RABGAP1: variants seen among roughly 807,000 people sequenced by gnomAD.
RABGAP1 encodes rab GTPase-activating protein 1.
In RABGAP1, 23 loss-of-function variants were observed where a neutral mutation model predicts 137.6. That is an observed-to-expected ratio of 0.17 (90% confidence interval 0.12 to 0.24). RABGAP1 has a LOEUF of 0.24. RABGAP1 is among the 10% of genes least tolerant of loss of function. The probability of loss-of-function intolerance (pLI) is 1.00; values close to 1 mark genes in which losing one functional copy is unlikely to be tolerated. For synonymous variants in RABGAP1, 451 were observed against 450.7 expected (o/e 1.00, Z -0.01); for missense variants, 906 against 1,275.8 (o/e 0.71, Z 4.42).
At chr9:123,041,433 G>A (rs192012903) in intron 13 of RABGAP1, among the ~76,000 whole-genome samples, 1 of 152,254 alleles carries the variant, frequency 6.6e-6, no homozygotes, top group Admixed American at 6.5e-5. Flanking sequence ...AGCTTCTAAG[G>A]TTACATACAT....
rs59639446 is a variant in RABGAP1 at position 123,047,919 on chromosome 9, G to GTTTTTTTTTTTT, written c.1795-17404_1795-17393dup. ...TATCTAGCCATTTTACAGCTGCTGG[G>GTTTTTTTTTTTT]TTTTTTTTTTTTTTTTTTTTTTTTT... On this transcript the variant is annotated intron_variant, in intron 13 of 25. Coordinates refer to ENST00000373647, the MANE Select transcript of RABGAP1 (RefSeq NM_012197.4). Among the ~76,000 whole-genome samples the GTTTTTTTTTTTT allele has an allele frequency of 2.4e-4, 15 of 62,252 alleles. 2 individuals carry two copies. Among genetic ancestry groups the GTTTTTTTTTTTT allele is most frequent in the Non-Finnish European group, 3.6e-4 (10 of 28,028 alleles). The allele number at this position is 62,252 out of a possible 152,430, so 40.8% of individuals were successfully genotyped here. A position where few individuals can be genotyped will look rare whatever the true frequency, so the allele number is the denominator to read the frequency against.
intron 24 of RABGAP1, among the ~76,000 whole-genome samples, chr9:123,100,879 T>G (rs1414144750): frequency 6.6e-6 from 1 of 152,236 alleles, no homozygotes; most frequent in East Asian, 1.9e-4. Flanking sequence ...ATTCTTTCAG[T>G]CTTTGTTCAG....
chr9:122,984,420 C>T (rs1303502883), intron 2 of RABGAP1, 65 bp from the exon 3 acceptor site: 10 of 1,298,796 alleles, frequency 7.7e-6, no homozygotes, highest in Non-Finnish European at 1.1e-5. Context: ...AGAATGTGAA[C>T]CCATTTTAAT....
chr9:122,957,064 A>G lies in RABGAP1; in HGVS notation c.5A>G (p.Asp2Gly), dbSNP rs1345861424. The change falls in exon 2 of 26, where the codon GAT becomes GGT. Residue 2 changes from aspartate (D) to glycine (G), a missense_variant. By Grantham distance (94) the Asp-to-Gly change is moderately conservative. Transcript: ENST00000373647. Reference protein sequence around the residue: MDDKASVGKISV... With the variant: MGDKASVGKISV... ...GTTGAGACTCATTCTTGAGTTATGG[A>G]TGACAAGGCTTCTGTTGGAAAAATC... 9 of 1,511,134 alleles carry G rather than the reference A, an allele frequency of 6.0e-6. No homozygotes were observed. The highest frequency in any genetic ancestry group is 1.4e-5 in the African/African-American group (1 of 73,626). The allele number at this position is 1,511,134 out of a possible 1,614,324, so 93.6% of individuals were successfully genotyped here. A position where few individuals can be genotyped will look rare whatever the true frequency, so the allele number is the denominator to read the frequency against.
At chr9:122,946,319 G>A (rs1412274411) in intron 1 of RABGAP1, among the ~76,000 whole-genome samples, 1 of 152,170 alleles carries the variant, frequency 6.6e-6, no homozygotes, top group Non-Finnish European at 1.5e-5. Flanking sequence ...AGATTAAAGA[G>A]AAGTGAATAA....
intron 13 of RABGAP1, among the ~76,000 whole-genome samples, chr9:123,026,114 A>G (rs1286744753): frequency 1.3e-5 from 2 of 150,684 alleles, no homozygotes; most frequent in Non-Finnish European, 2.9e-5. Context: ...ACCTGAGGTC[A>G]GGAGTTTGAG....
intron 21 of RABGAP1, among the ~76,000 whole-genome samples, chr9:123,091,983 G>A (rs529390157): frequency 3.9e-5 from 6 of 152,126 alleles, no homozygotes; most frequent in Admixed American, 6.5e-5. Context: ...AGCAGGGCCA[G>A]AGGTGTGTGC....
At chr9:123,102,364 T>A (rs955898816) in intron 25 of RABGAP1, among the ~76,000 whole-genome samples, 1 of 152,146 alleles carries the variant, frequency 6.6e-6, no homozygotes, top group African/African-American at 2.4e-5. Context: ...AAGCACTGTT[T>A]ATGGAGGGAA....
intron 13 of RABGAP1, among the ~76,000 whole-genome samples, chr9:123,041,503 A>G (rs1222321579): frequency 3.9e-5 from 6 of 152,220 alleles, no homozygotes; most frequent in African/African-American, 1.4e-4. Context: ...CTGTACCATT[A>G]TGTAAGCCTA....
rs189835805 is a variant in RABGAP1, at chr9:123,012,637, G to C, written c.1549+2109G>C. 9.7e-3 allele frequency among the ~76,000 whole-genome samples: 1,484 copies of C among 152,276 alleles called. 5 individuals are homozygous for C. Among genetic ancestry groups the C allele is most frequent in the Non-Finnish European group, 0.014 (985 of 68,006 alleles). On this transcript the variant is annotated intron_variant, in intron 11 of 25. Coordinates refer to ENST00000373647, the MANE Select transcript of RABGAP1 (RefSeq NM_012197.4). ...GGACTAATGGCAGTGTGTACCCCTT[G>C]GGGGAAATCATGGAACACTAGAACA...
intron 15 of RABGAP1, among the ~76,000 whole-genome samples, chr9:123,072,698 G>A (rs2034393233): frequency 6.6e-6 from 1 of 152,180 alleles, no homozygotes; most frequent in South Asian, 2.1e-4. Context: ...TAACTTACCA[G>A]TAATGATCTG....
intron 13 of RABGAP1, among the ~76,000 whole-genome samples, chr9:123,055,582 T>C (rs1423772418): frequency 6.9e-6 from 1 of 144,506 alleles, no homozygotes; most frequent in Admixed American, 7.0e-5. Flanking sequence ...GGAGTTTAGC[T>C]CTTGTCGCCC....
intron 25 of RABGAP1, among the ~76,000 whole-genome samples, chr9:123,102,593 G>A (rs2035375502): frequency 6.6e-6 from 1 of 152,156 alleles, no homozygotes; most frequent in African/African-American, 2.4e-5. Flanking sequence ...AGAGAGAACA[G>A]TGGCAATTCC....
chr9:123,024,525 C>T (rs575867180), intron 13 of RABGAP1, among the ~76,000 whole-genome samples: 14 of 151,990 alleles, frequency 9.2e-5, no homozygotes, highest in East Asian at 3.9e-4. Flanking sequence ...CTGCAACCTC[C>T]GCCTCCCGGG....
chr9:123,089,685 G>C, intron 19 of RABGAP1, 73 bp from the exon 20 acceptor site: 2 of 1,176,396 alleles, frequency 1.7e-6, no homozygotes, highest in Non-Finnish European at 2.4e-6. Flanking sequence ...AGAAGTCTTG[G>C]TCTTCAGTGC....
intron 21 of RABGAP1, among the ~76,000 whole-genome samples, chr9:123,092,952 T>C (rs1471890026): frequency 6.6e-6 from 1 of 152,172 alleles, no homozygotes; most frequent in Non-Finnish European, 1.5e-5. Flanking sequence ...TCATCTAAAA[T>C]GCTGCAGACA....
rs557428323 is a variant in RABGAP1 at position 123,062,927 on chromosome 9, T to G, written c.1795-2421T>G. 2.8e-4 allele frequency among the ~76,000 whole-genome samples: 42 copies of G among 152,284 alleles called. 1 individual carries two copies. In the South Asian group the frequency reaches 8.7e-3, roughly 32 times the overall value. On this transcript the variant is annotated intron_variant, in intron 13 of 25. Transcript: ENST00000373647. ...CCTCAGCCTTCCAAGTAGCTGGGAT[T>G]ACAGGCACCTGCCACCATGCCTGGC...
intron 13 of RABGAP1, among the ~76,000 whole-genome samples, chr9:123,046,182 T>G (rs2033198202): frequency 6.6e-6 from 1 of 152,232 alleles, no homozygotes; most frequent in African/African-American, 2.4e-5. Context: ...TCTCGGACAT[T>G]AGGATACACA....
At chr9:123,007,042 C>T (rs1373400183) in intron 10 of RABGAP1, among the ~76,000 whole-genome samples, 3 of 150,024 alleles carry the variant, frequency 2.0e-5, no homozygotes, top group African/African-American at 7.4e-5. Context: ...ACTTGTGTAG[C>T]TCTGGAAAAA....
Sources: gnomAD v4.1 joint callset for allele counts (sites outside exome capture counted in the v4.1 genomes callset) on GRCh38, gnomAD v4.1.1 for gene constraint, MANE v1.5 for transcripts, NCBI Gene and HGNC (gene_info 2026-07-23, HGNC 2026-07-21) for gene names.